DAB2: variants seen among roughly 807,000 people sequenced by gnomAD.
The protein encoded by DAB2 is disabled homolog 2.
DAB2 carries 28 observed loss-of-function variants against 71.6 expected under a neutral mutation model. That is an observed-to-expected ratio of 0.39 (90% CI 0.29 to 0.54). The LOEUF (loss-of-function observed/expected upper bound fraction) is 0.54. DAB2 is among the 20% of genes least tolerant of loss of function. DAB2 has a pLI of 0.68. For missense variants in DAB2, 867 were observed against 928.8 expected (o/e 0.93, Z 0.86); for synonymous variants, 345 against 339.7 (o/e 1.02, Z -0.17).
intron 1 of DAB2, among the ~76,000 whole-genome samples, chr5:39,399,041 A>C (rs140843072): frequency 1.3e-5 from 2 of 152,288 alleles, no homozygotes; most frequent in East Asian, 3.9e-4. Flanking sequence ...TCCCCTAGTT[A>C]ATTCCTTTGA....
chr5:39,405,547 G>A (rs1297751023), intron 1 of DAB2, among the ~76,000 whole-genome samples: 1 of 152,226 alleles, frequency 6.6e-6, no homozygotes, highest in Non-Finnish European at 1.5e-5. Context: ...TTTGGTACGT[G>A]AGTTTCATAT....
intron 1 of DAB2, among the ~76,000 whole-genome samples, chr5:39,407,641 C>T (rs936763034): frequency 3.3e-5 from 5 of 152,218 alleles, no homozygotes; most frequent in Admixed American, 6.5e-5. Context: ...ATACCTCACT[C>T]GTGGACTTCA....
At chr5:39,417,060 G>A (rs1755864611) in intron 1 of DAB2, 1 of 151,930 alleles carries the variant, frequency 6.6e-6, no homozygotes, top group South Asian at 2.1e-4. Context: ...GGATCTGCTT[G>A]GCAAACACCG....
intron 11 of DAB2, among the ~76,000 whole-genome samples, chr5:39,378,116 T>C (rs1449850418): frequency 6.6e-6 from 1 of 152,162 alleles, no homozygotes; most frequent in Non-Finnish European, 1.5e-5. Context: ...TAATGGCCTG[T>C]GTTGGGGCAT....
At position 39,390,439 on chromosome 5, in the gene DAB2, C is replaced by T. The variant is rs1755200446; in HGVS notation, c.462+5G>A. On this transcript the variant is annotated splice_donor_5th_base_variant and intron_variant, in intron 5 of 14. Transcript: ENST00000320816. The stretch of plus-strand genomic sequence containing the variant: ...CCCAGGTCTATGTCAAGACTTAGAG[C>T]TCACCTGTTGCCCGGTTTTTATGGC... 3.7e-6 allele frequency: 6 copies of T among 1,613,658 alleles called. No homozygotes were observed. Among genetic ancestry groups the T allele is most frequent in the Non-Finnish European group, 5.1e-6 (6 of 1,179,846 alleles).
At chr5:39,397,167 A>G (rs773259071) in intron 1 of DAB2, among the ~76,000 whole-genome samples, 6 of 152,292 alleles carry the variant, frequency 3.9e-5, no homozygotes, top group Admixed American at 6.5e-5. Flanking sequence ...TTCTTCCTAA[A>G]ACAGCCCCTG....
At chr5:39,387,118 C>T (rs1755113759) in intron 9 of DAB2, among the ~76,000 whole-genome samples, 1 of 152,138 alleles carries the variant, frequency 6.6e-6, no homozygotes, top group Non-Finnish European at 1.5e-5. Flanking sequence ...TGCATGAAGT[C>T]CCTGCTCCTC....
At chr5:39,390,891 T>A (rs1212709212) in intron 4 of DAB2, among the ~76,000 whole-genome samples, 2 of 152,168 alleles carry the variant, frequency 1.3e-5, no homozygotes, top group African/African-American at 2.4e-5. Flanking sequence ...AGAGGAGACA[T>A]TTAGCCCTTA....
In DAB2 at chr5:39,376,913, C is replaced by G. The variant is rs1754844584; in HGVS notation, c.1874G>C (p.Arg625Thr). 15 of 1,614,066 alleles carry G rather than the reference C, an allele frequency of 9.3e-6. No individual in the cohort carries two copies. The highest frequency in any genetic ancestry group is 1.1e-5 in the Non-Finnish European group (13 of 1,179,988). The change falls in exon 12 of 15, where the codon AGA (arginine) becomes ACA (threonine). Residue 625 changes from arginine (R) to threonine (T), a missense_variant. This residue lies in a region of DAB2 where 740 missense variants were observed against 734.3 expected (regional missense o/e 1.01). Transcript: ENST00000320816. ...LLVTPPQPPP[R>T]AGPPKDISSD... The stretch of plus-strand genomic sequence containing the variant: ...GGAGATGTCCTTGGGAGGGCCAGCT[C>G]TGGGAGGTGGCTGAGGAGGAGTGAC...
intron 1 of DAB2, chr5:39,408,422 G>A (rs1579923175): frequency 6.6e-6 from 1 of 152,220 alleles, no homozygotes; most frequent in Admixed American, 6.5e-5. Flanking sequence ...ACTTGCCGCT[G>A]GGTCACATTT....
rs1802925 is a variant in DAB2 at position 39,383,123 on chromosome 5, G to C, written c.836C>G (p.Ala279Gly). 20 of 1,614,118 alleles carry C rather than the reference G, an allele frequency of 1.2e-5. No individual in the cohort carries two copies. The highest frequency in any genetic ancestry group is 1.7e-5 in the Non-Finnish European group (20 of 1,180,030). ...TPQASFLPEN[A>G]FSANLNFFPT... ...AAAGAAGTTGAGATTGGCAGAAAAG[G>C]CATTTTCAGGCAAGAAGGATGCCTG... The change falls in exon 10 of 15, where the codon GCC becomes GGC. Residue 279 changes from alanine (A) to glycine (G), a missense_variant. Around this residue, in one of 2 missense-constraint regions of DAB2, gnomAD observed 740 missense variants for 734.3 expected, o/e 1.01. Transcript: ENST00000320816.
intron 11 of DAB2, among the ~76,000 whole-genome samples, chr5:39,377,774 G>T (rs989283138): frequency 6.6e-6 from 1 of 152,146 alleles, no homozygotes; most frequent in Non-Finnish European, 1.5e-5. Flanking sequence ...ACTGGCTCAC[G>T]TCTGGAGTCT....
chr5:39,383,110 A>T lies in DAB2; in HGVS notation c.849T>A (p.Asn283Lys). Residue 283 changes from asparagine (N) to lysine (K), a missense_variant, in exon 10 of 15, where the codon AAT (asparagine) becomes AAA (lysine). This residue lies in a region of DAB2 where 740 missense variants were observed against 734.3 expected (regional missense o/e 1.01). Coordinates refer to ENST00000320816, the MANE Select transcript of DAB2 (RefSeq NM_001343.4). ...GATTAGGGGTGGGAAAGAAGTTGAG[A>T]TTGGCAGAAAAGGCATTTTCAGGCA... ...SFLPENAFSA[N>K]LNFFPTPNPD... 1 of 1,614,144 alleles carries T rather than the reference A, an allele frequency of 6.2e-7. No homozygotes were observed. Among genetic ancestry groups the T allele is most frequent in the African/African-American group, 1.3e-5 (1 of 75,036 alleles).
Position 39,393,405 on chromosome 5 carries a change from A to G in DAB2, c.92-12T>C. 1 of 1,613,632 alleles carries G rather than the reference A, an allele frequency of 6.2e-7. No individual in the cohort carries two copies. Among genetic ancestry groups the G allele is most frequent in the South Asian group, 1.1e-5 (1 of 90,944 alleles). ...TGTCTTTTCAGGGCCTGAGAAAAGA[A>G]AGGAATACAGGATGAAGAATGCTAG... On this transcript the variant is annotated splice_polypyrimidine_tract_variant and intron_variant, in intron 2 of 14. Coordinates refer to ENST00000320816, the MANE Select transcript of DAB2 (RefSeq NM_001343.4).
chr5:39,406,488 G>A (rs917588717), intron 1 of DAB2, among the ~76,000 whole-genome samples: 1 of 152,196 alleles, frequency 6.6e-6, no homozygotes, highest in Non-Finnish European at 1.5e-5. Context: ...TGCACTAGGT[G>A]ACTGTGATGA....
At chr5:39,376,514 G>A (rs1754834921) in intron 12 of DAB2, 136 bp downstream of exon 12, 6 of 1,042,534 alleles carry the variant, frequency 5.8e-6, no homozygotes, top group South Asian at 3.1e-5. Context: ...AGTTGTCTCC[G>A]TAACCCTTGA....
rs368958762 is a variant in DAB2, at chr5:39,389,146, A to C, written c.544-23T>G. ...TATCTAAAAAGAAAGATACATATTC[A>C]GTGATCTTCATATTCATAGTGAAAG... On this transcript the variant is annotated intron_variant, in intron 6 of 14. Transcript: ENST00000320816. 2.7e-4 allele frequency: 433 copies of C among 1,598,916 alleles called. 3 individuals are homozygous for C. Among genetic ancestry groups the C allele is most frequent in the Middle Eastern group, 6.6e-4 (4 of 6,032 alleles).
intron 11 of DAB2, 133 bp downstream of exon 11, chr5:39,381,321 G>T: frequency 2.3e-6 from 2 of 868,380 alleles, no homozygotes; most frequent in Non-Finnish European, 3.5e-6. Context: ...AGTAGAAGTG[G>T]GAGAAGGGCT....
At position 39,394,307 on chromosome 5, in the gene DAB2, A is replaced by G; in HGVS notation, c.14T>C (p.Val5Ala). Residue 5 changes from valine to alanine, a missense_variant, in exon 2 of 15, where the codon GTA becomes GCA. Physicochemically the swap from Val to Ala is moderately conservative, Grantham distance 64 (BLOSUM62 0). Transcript: ENST00000320816. ...CTGACCATTGGTTGCACTTGTTTCT[A>G]CTTCGTTAGACATGGCAAGAAGGCA... MSNE[V>A]ETSATNGQPD... The G allele has an allele frequency of 3.1e-6, 5 of 1,613,928 alleles. No individual in the cohort carries two copies. The highest frequency in any genetic ancestry group is 4.2e-6 in the Non-Finnish European group (5 of 1,179,960).
Sources: allele counts gnomAD v4.1 joint callset (sites outside exome capture counted in the v4.1 genomes callset), GRCh38; gene constraint gnomAD v4.1.1; regional missense constraint gnomAD v4.1.1; transcripts MANE v1.5; gene names NCBI Gene and HGNC (gene_info 2026-07-23, HGNC 2026-07-21).